The following TNFRSF10D variants were observed in gnomAD, a reference collection of about 807,000 sequenced individuals.
TNFRSF10D encodes the protein TNF receptor superfamily member 10d, also known as tumor necrosis factor receptor superfamily member 10D.
Under a neutral mutation model 42.1 loss-of-function variants are expected in TNFRSF10D, and 28 were observed. That is an observed-to-expected ratio of 0.66 (90% CI 0.49 to 0.91). The LOEUF (loss-of-function observed/expected upper bound fraction) is 0.91. Among genes scored for constraint, TNFRSF10D ranks in the 40% least tolerant of loss-of-function variants. The probability of loss-of-function intolerance (pLI) is 0.00; values close to 1 mark genes in which losing one functional copy is unlikely to be tolerated. For synonymous variants in TNFRSF10D, 186 were observed against 189.4 expected (o/e 0.98, Z 0.15); for missense variants, 503 against 486.1 (o/e 1.03, Z -0.33).
chr8:23,137,083 T>C lies in TNFRSF10D; in HGVS notation c.*787A>G, dbSNP rs1563352549. On this transcript the variant is annotated 3_prime_UTR_variant, in exon 9 of 9. Coordinates refer to ENST00000312584, the MANE Select transcript of TNFRSF10D (RefSeq NM_003840.5). The stretch of plus-strand genomic sequence containing the variant: ...CCATGTTTACATCATTATACAAAAA[T>C]CGGAAAAGAGATGTACAGCCTACAG... The C allele has an allele frequency of 6.6e-6, 1 of 151,916 alleles. No individual in the cohort carries two copies. Among genetic ancestry groups the C allele is most frequent in the Non-Finnish European group, 1.5e-5 (1 of 68,022 alleles). 9.4% of individuals were successfully genotyped at this position (151,916 alleles called of 1,614,324 possible). A position where few individuals can be genotyped will look rare whatever the true frequency, so the allele number is the denominator to read the frequency against.
At chr8:23,163,718 C>G in intron 1 of TNFRSF10D, 68 bp downstream of exon 1, 3 of 1,565,764 alleles carry the variant, frequency 1.9e-6, no homozygotes, top group Non-Finnish European at 1.7e-6. Context: ...CCGTGTCCCC[C>G]TCTCTCCCTG....
intron 6 of TNFRSF10D, 82 bp from the exon 7 acceptor site, chr8:23,144,717 C>G: frequency 6.6e-7 from 1 of 1,505,536 alleles, no homozygotes; most frequent in Non-Finnish European, 9.0e-7. Context: ...ACCTGCCATC[C>G]CCAACCCCTT....
intron 1 of TNFRSF10D, among the ~76,000 whole-genome samples, chr8:23,161,506 C>CATA (rs1487945123): frequency 5.7e-3 from 861 of 152,066 alleles, no homozygotes; most frequent in African/African-American, 0.018. Context: ...CATTTACAGG[C>CATA]GTGGCAGGTG....
At chr8:23,157,712 G>T (rs1056988847) in intron 1 of TNFRSF10D, among the ~76,000 whole-genome samples, 13 of 152,066 alleles carry the variant, frequency 8.5e-5, no homozygotes, top group African/African-American at 3.1e-4. Flanking sequence ...TATACAATTT[G>T]TGATTATTAT....
chr8:23,164,026 C>T lies in TNFRSF10D; in HGVS notation c.-91G>A, dbSNP rs1800416247. 1 of 1,407,702 alleles carries T rather than the reference C, an allele frequency of 7.1e-7. No homozygotes were observed. 87.2% of individuals were successfully genotyped at this position (1,407,702 alleles called of 1,614,324 possible). On this transcript the variant is annotated 5_prime_UTR_variant, in exon 1 of 9. It adds an upstream start codon to the 5' untranslated region. Transcript: ENST00000312584. ...GCGTGCAAAGGTTCTCGCAGCTACA[C>T]TGCCAGAATAGAACGTGCTCCTCCG...
intron 1 of TNFRSF10D, among the ~76,000 whole-genome samples, chr8:23,160,737 A>G (rs1471379410): frequency 6.6e-6 from 1 of 152,204 alleles, no homozygotes; most frequent in Non-Finnish European, 1.5e-5. Context: ...TGGATACAGG[A>G]CAGAGAACCA....
At chr8:23,154,760 T>C (rs552663919) in intron 2 of TNFRSF10D, 114 bp downstream of exon 2, 2 of 1,168,026 alleles carry the variant, frequency 1.7e-6, no homozygotes, top group East Asian at 2.6e-5. Context: ...ATTAGCTTGA[T>C]TTAGCCATTT....
intron 2 of TNFRSF10D, among the ~76,000 whole-genome samples, chr8:23,150,373 C>T (rs1800198740): frequency 6.6e-6 from 1 of 152,216 alleles, no homozygotes; most frequent in Non-Finnish European, 1.5e-5. Context: ...ACATGGCCTG[C>T]CCAGAATCTG....
At chr8:23,161,470 C>A (rs1434620595) in intron 1 of TNFRSF10D, among the ~76,000 whole-genome samples, 1 of 152,236 alleles carries the variant, frequency 6.6e-6, no homozygotes, top group East Asian at 1.9e-4. Flanking sequence ...GTCCTCCTGA[C>A]AGCCTGAAGA....
At chr8:23,145,553 C>A (rs1800106370) in intron 5 of TNFRSF10D, 115 bp downstream of exon 5, 1 of 1,510,648 alleles carries the variant, frequency 6.6e-7, no homozygotes, top group African/African-American at 1.4e-5. Context: ...GAAGACCAAG[C>A]CAGGCTGGAG....
intron 7 of TNFRSF10D, among the ~76,000 whole-genome samples, chr8:23,142,645 T>C (rs187988214): frequency 6.6e-6 from 1 of 152,312 alleles, no homozygotes; most frequent in African/African-American, 2.4e-5. Context: ...AACTGTTGGA[T>C]ACTGTGCCCA....
intron 1 of TNFRSF10D, among the ~76,000 whole-genome samples, chr8:23,159,148 T>C (rs528816098): frequency 2.2e-4 from 34 of 151,842 alleles, no homozygotes; most frequent in African/African-American, 7.8e-4. Flanking sequence ...GTTTTTGGTT[T>C]TGAGACAGCA....
intron 6 of TNFRSF10D, among the ~76,000 whole-genome samples, 155 bp downstream of exon 6, chr8:23,144,903 C>T (rs57618069): frequency 0.011 from 1,726 of 152,178 alleles, 39 homozygotes; most frequent in African/African-American, 0.039. Context: ...TCAAAATGGC[C>T]GTGTGTCCCC....
chr8:23,152,614 C>T (rs1341896140), intron 2 of TNFRSF10D, among the ~76,000 whole-genome samples: 6 of 152,200 alleles, frequency 3.9e-5, no homozygotes, highest in African/African-American at 1.2e-4. Context: ...AAACAACTTA[C>T]ATTGGGCCTA....
chr8:23,155,705 A>G (rs1233690383), intron 1 of TNFRSF10D, among the ~76,000 whole-genome samples: 1 of 151,228 alleles, frequency 6.6e-6, no homozygotes, highest in East Asian at 1.9e-4. Flanking sequence ...GTCTCAAAAA[A>G]AAAAACAAAA....
intron 1 of TNFRSF10D, among the ~76,000 whole-genome samples, chr8:23,156,269 A>G (rs964135676): frequency 6.7e-6 from 1 of 150,290 alleles, no homozygotes; most frequent in East Asian, 1.9e-4. Context: ...TTGTAAATTT[A>G]CATTTAATTA....
At chr8:23,146,841 G>C in intron 4 of TNFRSF10D, 120 bp downstream of exon 4, 1 of 824,930 alleles carries the variant, frequency 1.2e-6, no homozygotes, top group Admixed American at 2.1e-5. Flanking sequence ...AAACCCCACA[G>C]GCTCAGGGAG....
intron 4 of TNFRSF10D, 68 bp from the exon 5 acceptor site, chr8:23,145,989 G>A (rs1373437443): frequency 6.2e-7 from 1 of 1,607,360 alleles, no homozygotes; most frequent in Non-Finnish European, 8.5e-7. Flanking sequence ...TGAAAGAGGA[G>A]CCACCCTCCC....
At chr8:23,162,636 A>C (rs1800387328) in intron 1 of TNFRSF10D, among the ~76,000 whole-genome samples, 2 of 152,016 alleles carry the variant, frequency 1.3e-5, no homozygotes, top group Non-Finnish European at 2.9e-5. Context: ...CCCACTACCA[A>C]TCTCAGTTTC....
Sources: gnomAD v4.1 joint callset for allele counts (sites outside exome capture counted in the v4.1 genomes callset) on GRCh38, gnomAD v4.1.1 for gene constraint, MANE v1.5 for transcripts, NCBI Gene and HGNC (gene_info 2026-07-23, HGNC 2026-07-21) for gene names.